The following PPP2CA variants were observed in gnomAD, a reference collection of about 807,000 sequenced individuals.
The protein encoded by PPP2CA is serine/threonine-protein phosphatase 2A catalytic subunit alpha isoform.
PPP2CA carries 5 observed loss-of-function variants against 38.8 expected under a neutral mutation model. The ratio of observed to expected loss-of-function variants is 0.13; its 90% CI spans 0.07 to 0.27. The LOEUF (loss-of-function observed/expected upper bound fraction) is 0.27. PPP2CA is among the 10% of genes least tolerant of loss of function. The pLI is 1.00. For missense variants in PPP2CA, 88 were observed against 389.7 expected (o/e 0.23, Z 6.52); for synonymous variants, 152 against 134.0 (o/e 1.13, Z -0.93).
rs1423834749 is a variant in PPP2CA, at chr5:134,194,335, G to A, written c.*3437C>T. On this transcript the variant is annotated 3_prime_UTR_variant, in exon 7 of 7. Coordinates refer to ENST00000481195, the MANE Select transcript of PPP2CA (RefSeq NM_002715.4). ...CTAGAAATATGTCAAAACAATGTGT[G>A]AGGACGAAGGCTTTAATGCAAAATA... The A allele has an allele frequency of 3.9e-5, 6 of 152,190 alleles. No individual in the cohort carries two copies. The East Asian group carries it at 7.7e-4, about 19-fold the overall frequency. The allele number at this position is 152,190 out of a possible 1,614,324, so 9.4% of individuals were successfully genotyped here. A position where few individuals can be genotyped will look rare whatever the true frequency, so the allele number is the denominator to read the frequency against.
chr5:134,208,680 G>A (rs192039614), intron 1 of PPP2CA, among the ~76,000 whole-genome samples: 507 of 152,092 alleles, frequency 3.3e-3, no homozygotes, highest in Admixed American at 5.3e-3. Flanking sequence ...TAAACTGAGG[G>A]GTATATTGAA....
chr5:134,222,967 T>C (rs539823201), intron 1 of PPP2CA, among the ~76,000 whole-genome samples: 3 of 152,350 alleles, frequency 2.0e-5, no homozygotes, highest in African/African-American at 7.2e-5. Flanking sequence ...GTTCTGAACA[T>C]GTAACACTGT....
At chr5:134,222,288 C>T (rs897206101) in intron 1 of PPP2CA, among the ~76,000 whole-genome samples, 11 of 152,138 alleles carry the variant, frequency 7.2e-5, no homozygotes, top group Non-Finnish European at 1.2e-4. Context: ...CAAATCACTT[C>T]TAGAGAAATG....
chr5:134,208,640 T>C (rs746761006), intron 1 of PPP2CA, among the ~76,000 whole-genome samples: 8 of 152,216 alleles, frequency 5.3e-5, no homozygotes, highest in Non-Finnish European at 1.0e-4. Flanking sequence ...TTTCAAGTTA[T>C]GATATATTTA....
At chr5:134,214,553 C>T (rs925562405) in intron 1 of PPP2CA, among the ~76,000 whole-genome samples, 6 of 152,154 alleles carry the variant, frequency 3.9e-5, no homozygotes, top group African/African-American at 7.2e-5. Flanking sequence ...TCAGCTATTT[C>T]AGATATACAA....
chr5:134,197,693 T>TTG lies in PPP2CA; in HGVS notation c.*77_*78dup. On this transcript the variant is annotated 3_prime_UTR_variant, in exon 7 of 7. Coordinates refer to ENST00000481195, the MANE Select transcript of PPP2CA (RefSeq NM_002715.4). The stretch of plus-strand genomic sequence containing the variant: ...TGAATGTTAACTATTTTCTGACACT[T>TTG]TGGAGTTACTGTTGCTCTTCCCATT... The TTG allele has an allele frequency of 8.7e-7, 1 of 1,145,070 alleles. No homozygotes were observed. The highest frequency in any genetic ancestry group is 1.3e-6 in the Non-Finnish European group (1 of 764,500). The allele number at this position is 1,145,070 out of a possible 1,614,324, so 70.9% of individuals were successfully genotyped here. A position where few individuals can be genotyped will look rare whatever the true frequency, so the allele number is the denominator to read the frequency against.
chr5:134,221,041 G>T (rs1762429927), intron 1 of PPP2CA, among the ~76,000 whole-genome samples: 1 of 152,140 alleles, frequency 6.6e-6, no homozygotes, highest in Non-Finnish European at 1.5e-5. Context: ...ACAGCTTCCT[G>T]CCTAGGAGAC....
chr5:134,204,938 T>C (rs1301992537), intron 2 of PPP2CA, among the ~76,000 whole-genome samples: 4 of 8,076 alleles, frequency 5.0e-4, no homozygotes, highest in Non-Finnish European at 9.7e-4. Context: ...TTCCTCGATA[T>C]TTTTTTTTTT....
intron 1 of PPP2CA, among the ~76,000 whole-genome samples, chr5:134,222,724 C>T (rs534304716): frequency 7.2e-5 from 11 of 152,286 alleles, no homozygotes; most frequent in African/African-American, 1.9e-4. Context: ...ACATACCCGG[C>T]CAGTTATACT....
intron 1 of PPP2CA, among the ~76,000 whole-genome samples, chr5:134,219,582 G>T (rs1762393542): frequency 6.6e-6 from 1 of 152,172 alleles, no homozygotes; most frequent in African/African-American, 2.4e-5. Flanking sequence ...AGAGGGACTG[G>T]CCAACTGGTC....
At position 134,216,817 on chromosome 5, in the gene PPP2CA, C is replaced by T. The variant is rs373643059; in HGVS notation, c.102+8943G>A. Among the ~76,000 whole-genome samples the T allele has an allele frequency of 2.6e-5, 4 of 152,242 alleles. No homozygotes were observed. In the East Asian group the frequency reaches 7.7e-4, roughly 29 times the overall value. On this transcript the variant is annotated intron_variant, in intron 1 of 6. Transcript: ENST00000481195. ...CCATGCCTAGACAGAAATCAAGTTT[C>T]TGTATCATCAATTCTGCCCTTGATG...
intron 1 of PPP2CA, among the ~76,000 whole-genome samples, chr5:134,212,287 A>G (rs1182191172): frequency 6.6e-6 from 1 of 152,176 alleles, no homozygotes; most frequent in East Asian, 1.9e-4. Flanking sequence ...GCATGTGCTC[A>G]CTTCTTGTCT....
At chr5:134,213,736 T>C (rs1762257919) in intron 1 of PPP2CA, among the ~76,000 whole-genome samples, 1 of 152,110 alleles carries the variant, frequency 6.6e-6, no homozygotes, top group South Asian at 2.1e-4. Context: ...TGAACTATGA[T>C]GATGTCACTG....
At position 134,197,738 on chromosome 5, in the gene PPP2CA, G is replaced by T; in HGVS notation, c.*34C>A. The T allele has an allele frequency of 6.5e-7, 1 of 1,530,538 alleles. No individual in the cohort carries two copies. Among genetic ancestry groups the T allele is most frequent in the Non-Finnish European group, 9.1e-7 (1 of 1,104,302 alleles). 94.8% of individuals were successfully genotyped at this position (1,530,538 alleles called of 1,614,324 possible). A position where few individuals can be genotyped will look rare whatever the true frequency, so the allele number is the denominator to read the frequency against. Reference sequence around the variant, plus strand: ...CCCATTTCCATTAGGTCGATATATGGTTCATGGCAATACTGTACAAGTTTA... The same window carrying T: ...CCCATTTCCATTAGGTCGATATATGTTTCATGGCAATACTGTACAAGTTTA... On this transcript the variant is annotated 3_prime_UTR_variant, in exon 7 of 7. Transcript: ENST00000481195.
chr5:134,207,219 C>G (rs1762102386), intron 1 of PPP2CA, among the ~76,000 whole-genome samples: 1 of 152,144 alleles, frequency 6.6e-6, no homozygotes, highest in Admixed American at 6.5e-5. Flanking sequence ...GCCTGGCCAT[C>G]ATGGCGAAAC....
chr5:134,197,303 A>G lies in PPP2CA; in HGVS notation c.*469T>C, dbSNP rs1346068647. ...AATTAAACGGTATCCCTGAAAATAA[A>G]AAGAACAATTTCAAAACTCACAAGT... On this transcript the variant is annotated 3_prime_UTR_variant, in exon 7 of 7. Transcript: ENST00000481195. 1 of 155,064 alleles carries G rather than the reference A, an allele frequency of 6.4e-6. No individual in the cohort carries two copies. The highest frequency in any genetic ancestry group is 1.4e-5 in the Non-Finnish European group (1 of 69,390). 9.6% of individuals were successfully genotyped at this position (155,064 alleles called of 1,614,324 possible).
chr5:134,219,948 T>C (rs905232305), intron 1 of PPP2CA, among the ~76,000 whole-genome samples: 1 of 144,948 alleles, frequency 6.9e-6, no homozygotes, highest in African/African-American at 2.6e-5. Flanking sequence ...GAGACAAAGG[T>C]TGCAGTGAGC....
In PPP2CA at chr5:134,199,160, A is replaced by G. The variant is rs1401194152; in HGVS notation, c.783T>C (p.Ser261=). The change falls in exon 6 of 7, where the codon AGT becomes AGC. Residue 261 remains serine, a synonymous_variant. Coordinates refer to ENST00000481195, the MANE Select transcript of PPP2CA (RefSeq NM_002715.4). The part of the protein sequence containing the change: ...CHDRNVVTIF[S]APNYCYRCGN... Reference sequence around the variant, plus strand: ...CACAACGATAACAATAGTTTGGAGCACTGAAAATCGTTACTACATTCCGGT... The same window carrying G: ...CACAACGATAACAATAGTTTGGAGCGCTGAAAATCGTTACTACATTCCGGT... The G allele has an allele frequency of 2.5e-6, 4 of 1,614,120 alleles. No homozygotes were observed. The highest frequency in any genetic ancestry group is 3.4e-6 in the Non-Finnish European group (4 of 1,179,978).
chr5:134,219,741 T>C (rs1045060143), intron 1 of PPP2CA, among the ~76,000 whole-genome samples: 1 of 152,182 alleles, frequency 6.6e-6, no homozygotes, highest in Admixed American at 6.5e-5. Context: ...CTGGGCACAG[T>C]GGCTCACACC....
Sources: gnomAD v4.1 joint callset for allele counts (sites outside exome capture counted in the v4.1 genomes callset) on GRCh38, gnomAD v4.1.1 for gene constraint, MANE v1.5 for transcripts, NCBI Gene and HGNC (gene_info 2026-07-23, HGNC 2026-07-21) for gene names.